Variants in MEP1A observed in about 807,000 individuals in gnomAD.
MEP1A encodes meprin A subunit alpha.
Under a neutral mutation model 84.5 loss-of-function variants are expected in MEP1A, and 68 were observed. The ratio of observed to expected loss-of-function variants is 0.80; its 90% CI spans 0.66 to 0.98. MEP1A has a LOEUF of 0.98. MEP1A is among the 50% of genes least tolerant of loss of function. The pLI, the probability that MEP1A is intolerant of heterozygous loss-of-function variation, is 0.00. For synonymous variants in MEP1A, 337 were observed against 336.8 expected, an observed-to-expected ratio of 1.00 and a Z score of -0.01; for missense variants, 887 against 919.9, an observed-to-expected ratio of 0.96 and a Z score of 0.46.
intron 5 of MEP1A, 34 bp downstream of exon 5, chr6:46,799,215 G>C: frequency 1.4e-6 from 2 of 1,388,710 alleles, no homozygotes; most frequent in Non-Finnish European, 2.1e-6. Flanking sequence ...GGAAGTTTCA[G>C]TTTAACTCTC....
At position 46,809,487 on chromosome 6, in the gene MEP1A, C is replaced by T; in HGVS notation, c.330C>T (p.Phe110=). 1 of 1,610,566 alleles carries T rather than the reference C, an allele frequency of 6.2e-7. No homozygotes were observed. The highest frequency in any genetic ancestry group is 8.5e-7 in the Non-Finnish European group (1 of 1,177,862). Residue 110 remains phenylalanine, a synonymous_variant, in exon 6 of 14, where the codon TTC becomes TTT. Coordinates refer to ENST00000230588, the MANE Select transcript of MEP1A (RefSeq NM_005588.3). The part of the protein sequence containing the change: ...EMFRLKSCVD[F]KPYEGESSYI... ...TCCGTCTCAAGTCCTGTGTGGATTT[C>T]AAGCCCTATGAAGGAGAGAGCTCAT... is the stretch of plus-strand genomic sequence containing the variant.
chr6:46,840,445 A>C (rs1768312555), downstream of MEP1A, among the ~76,000 whole-genome samples: 1 of 152,154 alleles, frequency 6.6e-6, no homozygotes, highest in South Asian at 2.1e-4. Context: ...AGAATGTGCC[A>C]GAATCTAGTA....
rs779728002 is a variant in MEP1A at position 46,835,415 on chromosome 6, A to T, written c.1950A>T (p.Arg650=). Residue 650 remains arginine, a synonymous_variant, in exon 13 of 14, where the codon CGA becomes CGT. Transcript: ENST00000230588. ...PVSLSQGQPS[R]QKRSVENTGP... is the part of the protein sequence containing the mutation. ...GCCTGAGCCAGGGGCAGCCCAGCCG[A>T]CAGAAGCGGTCGGTGGAGAACACAG... The T allele has an allele frequency of 6.2e-7, 1 of 1,612,338 alleles. No homozygotes were observed. Among genetic ancestry groups the T allele is most frequent in the South Asian group, 1.1e-5 (1 of 90,688 alleles).
chr6:46,822,788 A>G (rs1030986399), intron 7 of MEP1A, among the ~76,000 whole-genome samples: 7 of 152,184 alleles, frequency 4.6e-5, no homozygotes, highest in Admixed American at 3.3e-4. Flanking sequence ...CAAGTGATTC[A>G]CCTGCCTCAG....
chr6:46,833,438 C>T lies in MEP1A; in HGVS notation c.1509C>T (p.Asn503=), dbSNP rs777642383. The T allele has an allele frequency of 8.7e-6, 14 of 1,614,174 alleles. No individual in the cohort carries two copies. Among genetic ancestry groups the T allele is most frequent in the Non-Finnish European group, 8.5e-6 (10 of 1,180,030 alleles). The change falls in exon 11 of 14, where the codon AAC becomes AAT. Residue 503 remains asparagine (N), a synonymous_variant. Coordinates refer to ENST00000230588, the MANE Select transcript of MEP1A (RefSeq NM_005588.3). ...CTATCCTGGAGTGGCCGGTAGAAAA[C>T]AGACAGGTGATAATTACCATCCTTG... The part of the protein sequence containing the change: ...NDAILEWPVE[N]RQVIITILDQ...
chr6:46,832,768 G>A (rs1311992644), intron 10 of MEP1A, among the ~76,000 whole-genome samples: 2 of 152,186 alleles, frequency 1.3e-5, no homozygotes, highest in Non-Finnish European at 2.9e-5. Flanking sequence ...AGGGGTTACA[G>A]TTGAACCAGC....
Position 46,835,549 on chromosome 6 carries a change from G to A in MEP1A, c.2084G>A (p.Arg695Lys), listed in dbSNP as rs771122424. Residue 695 changes from arginine (R) to lysine (K), a missense_variant and splice_region_variant, in exon 13 of 14, where the codon AGG (arginine) becomes AAG (lysine). Arg to Lys is a conservative substitution (Grantham distance 26). Transcript: ENST00000230588. ...CVNVKGMASC[R>K]CISGHAFFYT... ...AACGTGAAGGGGATGGCGAGCTGCA[G>A]GTAGGCTCTGTGGCTGGGGAGACAG... The A allele has an allele frequency of 2.5e-6, 4 of 1,613,258 alleles. No homozygotes were observed. The highest frequency in any genetic ancestry group is 2.5e-6 in the Non-Finnish European group (3 of 1,179,652).
downstream of MEP1A, among the ~76,000 whole-genome samples, chr6:46,840,279 G>A (rs1232896321): frequency 1.3e-5 from 2 of 152,162 alleles, no homozygotes; most frequent in African/African-American, 4.8e-5. Flanking sequence ...GCACCCCTGA[G>A]GGCAATAACT....
chr6:46,843,354 A>G (rs1768365047), downstream of MEP1A, among the ~76,000 whole-genome samples: 1 of 152,192 alleles, frequency 6.6e-6, no homozygotes, highest in African/African-American at 2.4e-5. Flanking sequence ...GTGAGGGAAA[A>G]CTAGGACCAA....
At chr6:46,805,801 T>C (rs539678534) in intron 5 of MEP1A, among the ~76,000 whole-genome samples, 1 of 152,120 alleles carries the variant, frequency 6.6e-6, no homozygotes, top group Admixed American at 6.6e-5. Flanking sequence ...GTCTTTAAGG[T>C]GATTTTTAAA....
In MEP1A at chr6:46,793,647, T is replaced by C. The variant is rs755881305; in HGVS notation, c.95-19T>C. 1 of 1,598,916 alleles carries C rather than the reference T, an allele frequency of 6.3e-7. No individual in the cohort carries two copies. Among genetic ancestry groups the C allele is most frequent in the Non-Finnish European group, 8.5e-7 (1 of 1,170,756 alleles). On this transcript the variant is annotated intron_variant, in intron 2 of 13. Transcript: ENST00000230588. ...CCTTCGGCAAGACTAATAATAATTT[T>C]TTTTCTCACTTTTAACAGTACATGA...
chr6:46,834,829 C>T (rs1161829790), intron 12 of MEP1A, 78 bp downstream of exon 12: 51 of 1,148,052 alleles, frequency 4.4e-5, no homozygotes, highest in Non-Finnish European at 6.4e-5. Context: ...TTTTAAAGCA[C>T]ACACGGAGGG....
chr6:46,796,005 G>C (rs569054997), intron 3 of MEP1A, among the ~76,000 whole-genome samples: 2 of 152,252 alleles, frequency 1.3e-5, no homozygotes, highest in East Asian at 3.9e-4. Flanking sequence ...ATCAGAGTGT[G>C]AGTCAATCTG....
At chr6:46,836,964 A>G (rs527528924) in intron 13 of MEP1A, among the ~76,000 whole-genome samples, 1 of 152,312 alleles carries the variant, frequency 6.6e-6, no homozygotes, top group African/African-American at 2.4e-5. Flanking sequence ...TCTGGCCAAC[A>G]GCATGTCCAC....
At chr6:46,812,357 T>A (rs918963095) in intron 6 of MEP1A, among the ~76,000 whole-genome samples, 4 of 152,104 alleles carry the variant, frequency 2.6e-5, no homozygotes, top group African/African-American at 9.7e-5. Flanking sequence ...TGGGATCTTC[T>A]GTCTTCTTTT....
chr6:46,821,498 T>C (rs760624593), intron 7 of MEP1A, among the ~76,000 whole-genome samples: 1 of 152,176 alleles, frequency 6.6e-6, no homozygotes, highest in Non-Finnish European at 1.5e-5. Flanking sequence ...AAGAAGGAAA[T>C]GGAGTAATAG....
At chr6:46,821,664 A>G (rs967672213) in intron 7 of MEP1A, among the ~76,000 whole-genome samples, 6 of 152,212 alleles carry the variant, frequency 3.9e-5, no homozygotes, top group Admixed American at 3.9e-4. Flanking sequence ...TCCAAGTCTT[A>G]TAGAATACAA....
At chr6:46,844,695 A>C (rs569826946), downstream of MEP1A, among the ~76,000 whole-genome samples, 4 of 152,356 alleles carry the variant, frequency 2.6e-5, no homozygotes, top group African/African-American at 9.6e-5. Flanking sequence ...ATGGTCACCA[A>C]CATCCATTCT....
intron 7 of MEP1A, among the ~76,000 whole-genome samples, chr6:46,823,225 T>C (rs1767822898): frequency 6.6e-6 from 1 of 152,230 alleles, no homozygotes; most frequent in Admixed American, 6.5e-5. Flanking sequence ...CTCAGGCACC[T>C]GCTGGAGCAT....
Sources: allele counts gnomAD v4.1 joint callset (sites outside exome capture counted in the v4.1 genomes callset), GRCh38; gene constraint gnomAD v4.1.1; transcripts MANE v1.5; gene names NCBI Gene and HGNC (gene_info 2026-07-23, HGNC 2026-07-21).